Variants in C22orf23 observed in about 807,000 individuals in gnomAD.
The protein encoded by C22orf23 is UPF0193 protein EVG1.
In C22orf23, 30 loss-of-function variants were observed where a neutral mutation model predicts 29.7. The observed-to-expected ratio is 1.01, with a 90% CI of 0.76 to 1.37. The LOEUF (loss-of-function observed/expected upper bound fraction) is 1.37. Among genes scored for constraint, C22orf23 ranks in the 40% most tolerant of loss-of-function variants. C22orf23 has a pLI of 0.00. For missense variants in C22orf23, 237 were observed against 273.1 expected, an observed-to-expected ratio of 0.87 and a Z score of 0.93; for synonymous variants, 90 against 96.1, an observed-to-expected ratio of 0.94 and a Z score of 0.37.
intron 4 of C22orf23, among the ~76,000 whole-genome samples, chr22:37,945,542 T>A (rs946563751): frequency 2.7e-5 from 4 of 149,036 alleles, no homozygotes; most frequent in Non-Finnish European, 4.5e-5. Context: ...TCGCCCAGAC[T>A]GGAGTGCAGT....
In C22orf23 at chr22:37,943,874, G is replaced by C. The variant is rs3026635; in HGVS notation, c.*301C>G. The C allele has an allele frequency of 0.016, 6,890 of 443,778 alleles. 392 individuals are homozygous for C. The highest frequency in any genetic ancestry group is 0.12 in the African/African-American group (6,304 of 51,382). The allele number at this position is 443,778 out of a possible 1,614,324, so 27.5% of individuals were successfully genotyped here. ...TGAATTCAGAAAACTAAATGAACAG[G>C]CCACAGGTCAGAAGTGGTGGGAAGC... On this transcript the variant is annotated 3_prime_UTR_variant, in exon 7 of 7. Transcript: ENST00000403305.
upstream of C22orf23, chr22:37,953,629 T>G: frequency 3.6e-6 from 3 of 829,690 alleles, no homozygotes; most frequent in South Asian, 5.3e-5. Context: ...AGTCAGCGCA[T>G]GCGCACTTTC....
intron 3 of C22orf23, chr22:37,951,138 G>A (rs1013093835): frequency 4.9e-6 from 1 of 204,598 alleles, no homozygotes; most frequent in Admixed American, 5.4e-5. Flanking sequence ...CATGAACCCG[G>A]GAGGCAGAAG....
intron 3 of C22orf23, among the ~76,000 whole-genome samples, chr22:37,949,284 G>A (rs1254518133): frequency 7.7e-6 from 1 of 129,352 alleles, no homozygotes; most frequent in African/African-American, 2.9e-5. Flanking sequence ...CCCATCCATT[G>A]TTTTTTTTTT....
chr22:37,945,933 G>C (rs1479682732), intron 4 of C22orf23, among the ~76,000 whole-genome samples: 1 of 151,404 alleles, frequency 6.6e-6, no homozygotes, highest in African/African-American at 2.4e-5. Flanking sequence ...CCAACATGGT[G>C]AAACCCCATC....
At chr22:37,945,237 T>G (rs1930628660) in intron 4 of C22orf23, 64 bp from the exon 5 acceptor site, 14 of 1,561,160 alleles carry the variant, frequency 9.0e-6, no homozygotes, top group African/African-American at 5.5e-5. Context: ...ATGGTCTGTG[T>G]TCCCAAGTGC....
Position 37,944,727 on chromosome 22 carries a change from C to T in C22orf23, c.482-210G>A, listed in dbSNP as rs113584643. 224 of 564,970 alleles carry T rather than the reference C, an allele frequency of 4.0e-4. 1 individual carries two copies. Among genetic ancestry groups the T allele is most frequent in the African/African-American group, 2.0e-3 (108 of 53,212 alleles). 35.0% of individuals were successfully genotyped at this position (564,970 alleles called of 1,614,324 possible). On this transcript the variant is annotated intron_variant, in intron 5 of 6. Coordinates refer to ENST00000403305, the MANE Select transcript of C22orf23 (RefSeq NM_032561.5). ...CAGCCTGACCAACATGGTGAAACCC[C>T]GTGTCTACTAAAAATACAAAAATTA... is the stretch of plus-strand genomic sequence containing the variant.
chr22:37,945,055 G>A lies in C22orf23; in HGVS notation c.468C>T (p.Asp156=). The A allele has an allele frequency of 6.2e-7, 1 of 1,610,312 alleles. No homozygotes were observed. Among genetic ancestry groups the A allele is most frequent in the African/African-American group, 1.3e-5 (1 of 74,372 alleles). Residue 156 remains aspartate, a synonymous_variant, in exon 5 of 7, where the codon GAC becomes GAT. Coordinates refer to ENST00000403305, the MANE Select transcript of C22orf23 (RefSeq NM_032561.5). ...TCGGAGTCTTACGCTCTTCAAATCG[G>A]TCTAGCTCAGGGGCTGGAGCCTTCT... ...ARQKAPAPEL[D]RFEELVKEIQ...
chr22:37,950,419 TTTTTA>T (rs1280213710), intron 3 of C22orf23, among the ~76,000 whole-genome samples: 2 of 151,684 alleles, frequency 1.3e-5, no homozygotes, highest in East Asian at 3.9e-4. Flanking sequence ...GCCTGACCTG[TTTTTA>T]TTTTAATTTA....
At chr22:37,947,498 A>C (rs372302489) in intron 3 of C22orf23, 35 bp from the exon 4 acceptor site, 1 of 921,298 alleles carries the variant, frequency 1.1e-6, no homozygotes, top group African/African-American at 2.1e-5. Flanking sequence ...GAGGACCCAC[A>C]TGGCTTTTTT....
intron 4 of C22orf23, among the ~76,000 whole-genome samples, 170 bp downstream of exon 4, chr22:37,947,111 C>T (rs1368061179): frequency 1.3e-5 from 2 of 151,982 alleles, no homozygotes; most frequent in African/African-American, 4.8e-5. Flanking sequence ...GTTTCCTCTG[C>T]GCCCTGAATA....
chr22:37,952,828 C>T, intron 2 of C22orf23: 1 of 470,458 alleles, frequency 2.1e-6, no homozygotes. Flanking sequence ...CAGTGACGGC[C>T]TTAGATTCTC....
At chr22:37,944,366 C>A (rs767236043) in intron 6 of C22orf23, 51 bp downstream of exon 6, 1 of 1,613,324 alleles carries the variant, frequency 6.2e-7, no homozygotes, top group African/African-American at 1.3e-5. Context: ...TTTCCATTCG[C>A]ACTTGGCGCT....
At position 37,945,150 on chromosome 22, in the gene C22orf23, T is replaced by G. The variant is rs1231499575; in HGVS notation, c.373A>C (p.Arg125=). 2 of 1,613,212 alleles carry G rather than the reference T, an allele frequency of 1.2e-6. No individual in the cohort carries two copies. The highest frequency in any genetic ancestry group is 8.5e-7 in the Non-Finnish European group (1 of 1,179,784). Reference sequence around the variant, plus strand: ...CCTGTGGCAAAGATATTTTGGAGTCTTTGTTTCTCCTTCTCCAAATCCCCT... The same window carrying G: ...CCTGTGGCAAAGATATTTTGGAGTCGTTGTTTCTCCTTCTCCAAATCCCCT... ...ATRDLEKEKQ[R]LQNIFATGKD... is the part of the protein sequence containing the mutation. The change falls in exon 5 of 7, where the codon AGA becomes CGA. Residue 125 remains arginine, a synonymous_variant. Coordinates refer to ENST00000403305, the MANE Select transcript of C22orf23 (RefSeq NM_032561.5).
At position 37,953,126 on chromosome 22, in the gene C22orf23, C is replaced by T. The variant is rs755664449; in HGVS notation, c.24G>A (p.Glu8=). 3 of 1,613,990 alleles carry T rather than the reference C, an allele frequency of 1.9e-6. No homozygotes were observed. The highest frequency in any genetic ancestry group is 2.5e-6 in the Non-Finnish European group (3 of 1,179,944). ...GGAACCCAGTTCCTTTGGTCACTAC[C>T]TCCATCTGCTTCTGTGAAGCCATGG... MASQKQM[E]VVTKGTGFRR... Residue 8 remains glutamate, a synonymous_variant, in exon 2 of 7, where the codon GAG becomes GAA. Coordinates refer to ENST00000403305, the MANE Select transcript of C22orf23 (RefSeq NM_032561.5).
At chr22:37,945,301 T>A (rs1930631085) in intron 4 of C22orf23, 128 bp from the exon 5 acceptor site, 1 of 1,144,722 alleles carries the variant, frequency 8.7e-7, no homozygotes, top group African/African-American at 1.6e-5. Flanking sequence ...GTACACCTGC[T>A]GCTACCCTGG....
At position 37,953,064 on chromosome 22, in the gene C22orf23, G is replaced by C; in HGVS notation, c.86C>G (p.Thr29Ser). Residue 29 changes from threonine (T) to serine (S), a missense_variant, in exon 2 of 7, where the codon ACC becomes AGC. Transcript: ENST00000403305. ...RPKTITYTPG[T>S]CELLRVMMKE... Reference sequence around the variant, plus strand: ...GGACTGACCTCTGAGCAGCTCGCAGGTCCCCGGGGTGTAAGTGATGGTCTT... The same window carrying C: ...GGACTGACCTCTGAGCAGCTCGCAGCTCCCCGGGGTGTAAGTGATGGTCTT... The C allele has an allele frequency of 1.2e-6, 2 of 1,613,636 alleles. No individual in the cohort carries two copies. Among genetic ancestry groups the C allele is most frequent in the Middle Eastern group, 1.7e-4 (1 of 6,036 alleles).
intron 1 of C22orf23, 106 bp from the exon 2 acceptor site, chr22:37,953,264 GAAT>G (rs745479876): frequency 2.8e-6 from 2 of 721,546 alleles, no homozygotes; most frequent in Non-Finnish European, 4.7e-6. Context: ...TCGAGCCAGA[GAAT>G]GATGCCGCCA....
intron 5 of C22orf23, 110 bp downstream of exon 5, chr22:37,944,932 T>C: frequency 9.5e-7 from 1 of 1,052,158 alleles, no homozygotes. Flanking sequence ...ATAGTGTTTC[T>C]CACTTGTTGG....
Sources: allele counts gnomAD v4.1 joint callset (sites outside exome capture counted in the v4.1 genomes callset), GRCh38; gene constraint gnomAD v4.1.1; transcripts MANE v1.5; gene names NCBI Gene and HGNC (gene_info 2026-07-23, HGNC 2026-07-21).